USP12: variants seen among roughly 807,000 people sequenced by gnomAD.
The protein encoded by USP12 is ubiquitin specific peptidase 12.
Under a neutral mutation model 45.5 loss-of-function variants are expected in USP12, and 19 were observed. That is an observed-to-expected ratio of 0.42 (90% CI 0.29 to 0.61). The LOEUF (loss-of-function observed/expected upper bound fraction) is 0.61, where lower values mean the gene tolerates loss of function less well. Among genes scored for constraint, USP12 ranks in the 20% least tolerant of loss-of-function variants. The pLI is 0.22. For missense variants in USP12, 242 were observed against 447.7 expected (o/e 0.54, Z 4.15); for synonymous variants, 149 against 148.8 (o/e 1.00, Z -0.01).
At chr13:27,171,274 C>T (rs1350633301) in intron 1 of USP12, among the ~76,000 whole-genome samples, 2 of 150,216 alleles carry the variant, frequency 1.3e-5, no homozygotes, top group South Asian at 4.2e-4. Flanking sequence ...CGAGCGGACC[C>T]CAGCAGTTCA....
At chr13:27,084,309 C>T (rs1373369767) in intron 6 of USP12, among the ~76,000 whole-genome samples, 2 of 150,992 alleles carry the variant, frequency 1.3e-5, no homozygotes, top group African/African-American at 2.4e-5. Flanking sequence ...AGATTGAGAC[C>T]ATCCTGGCCA....
At chr13:27,118,878 A>G (rs7320132) in intron 1 of USP12, among the ~76,000 whole-genome samples, 72,183 of 151,976 alleles carry the variant, frequency 0.47, 18,811 homozygotes, top group East Asian at 0.79. Context: ...ACCACCCCAC[A>G]TGTCCACCTG....
intron 4 of USP12, among the ~76,000 whole-genome samples, chr13:27,094,578 G>A (rs1874477671): frequency 6.6e-6 from 1 of 152,132 alleles, no homozygotes; most frequent in Non-Finnish European, 1.5e-5. Context: ...ATGAGAGGCA[G>A]ATGGATATTG....
chr13:27,129,020 C>T lies in USP12; in HGVS notation c.49-12424G>A, dbSNP rs967509152. Among the ~76,000 whole-genome samples the T allele has an allele frequency of 2.0e-5, 3 of 152,206 alleles. No individual in the cohort carries two copies. Among genetic ancestry groups the T allele is most frequent in the Non-Finnish European group, 4.4e-5 (3 of 68,036 alleles). ...ATACTCCAGATTCCATATGCAGACT[C>T]TGACTCACCCTAATAAAAAGCAAAT... On this transcript the variant is annotated intron_variant, in intron 1 of 8. Coordinates refer to ENST00000282344, the MANE Select transcript of USP12 (RefSeq NM_182488.4). The surrounding 1 kb of genome is among the most constrained non-coding windows in gnomAD (Gnocchi z 4.0).
intron 3 of USP12, among the ~76,000 whole-genome samples, chr13:27,102,001 T>C (rs1401576707): frequency 7.3e-6 from 1 of 136,090 alleles, no homozygotes; most frequent in Admixed American, 7.8e-5. Flanking sequence ...GAGATGTATT[T>C]CCCATTTTTT....
rs768928727 is a variant in USP12, at chr13:27,105,407, C to CA, written c.343+323dup. 1.6e-3 allele frequency among the ~76,000 whole-genome samples: 234 copies of CA among 149,416 alleles called. 1 individual carries two copies. Among genetic ancestry groups the CA allele is most frequent in the African/African-American group, 5.1e-3 (207 of 40,692 alleles). ...TTATGAAAACAAATGCATAAGCATGCAAAAAAAAAGAAACAAAAACCCTTC... is the reference window on the plus strand; with the variant it reads ...TTATGAAAACAAATGCATAAGCATGCAAAAAAAAAAGAAACAAAAACCCTTC... On this transcript the variant is annotated intron_variant, in intron 3 of 8. Coordinates refer to ENST00000282344, the MANE Select transcript of USP12 (RefSeq NM_182488.4).
chr13:27,168,516 G>C (rs1178746120), intron 1 of USP12, among the ~76,000 whole-genome samples: 1 of 152,090 alleles, frequency 6.6e-6, no homozygotes, highest in African/African-American at 2.4e-5. Flanking sequence ...CACTTATTAA[G>C]TATAATATTA....
intron 1 of USP12, among the ~76,000 whole-genome samples, chr13:27,146,913 G>A (rs1877332991): frequency 6.6e-6 from 1 of 152,150 alleles, no homozygotes; most frequent in Admixed American, 6.5e-5. Context: ...ATAAAAAAGG[G>A]AAATTTGGAC....
intron 2 of USP12, among the ~76,000 whole-genome samples, chr13:27,112,455 AT>A (rs61084865): frequency 0.078 from 11,009 of 141,876 alleles, 556 homozygotes; most frequent in African/African-American, 0.15. Flanking sequence ...TGCTCCCAGC[AT>A]TTTTTTTTTT....
At chr13:27,098,125 C>T in intron 3 of USP12, among the ~76,000 whole-genome samples, 1 of 151,852 alleles carries the variant, frequency 6.6e-6, no homozygotes, top group East Asian at 1.9e-4. Flanking sequence ...TTGTTACTAC[C>T]TCAGCCACCC....
In USP12 at chr13:27,075,388, C is replaced by G. The variant is rs781633488; in HGVS notation, c.735G>C (p.Arg245=). The change falls in exon 7 of 9, where the codon CGG becomes CGC. Residue 245 remains arginine, a splice_region_variant and synonymous_variant. Coordinates refer to ENST00000282344, the MANE Select transcript of USP12 (RefSeq NM_182488.4). ...ECRSKQEAHK[R]MKVKKLPMIL... ...TCATGGGCAGTTTTTTAACTTTCAT[C>G]CTATTAAAAATAAAAATGAAAACAA... 6.2e-7 allele frequency: 1 copy of G among 1,602,396 alleles called. No individual in the cohort carries two copies. The highest frequency in any genetic ancestry group is 1.1e-5 in the South Asian group (1 of 88,670).
intron 8 of USP12, 150 bp from the exon 9 acceptor site, chr13:27,069,534 T>C: frequency 1.6e-6 from 1 of 629,200 alleles, no homozygotes; most frequent in Non-Finnish European, 2.8e-6. Flanking sequence ...ACCAAAAAAA[T>C]GTTTATAAAT....
At chr13:27,121,015 A>T (rs1056832244) in intron 1 of USP12, among the ~76,000 whole-genome samples, 1 of 152,190 alleles carries the variant, frequency 6.6e-6, no homozygotes, top group Non-Finnish European at 1.5e-5. Context: ...CTAACAGCTG[A>T]ATGGAACGGT....
rs1463295037 is a variant in USP12 at position 27,067,451 on chromosome 13, C to A, written c.*1832G>T. 2.0e-5 allele frequency: 3 copies of A among 152,158 alleles called. No individual in the cohort carries two copies. The highest frequency in any genetic ancestry group is 7.2e-5 in the African/African-American group (3 of 41,432). 9.4% of individuals were successfully genotyped at this position (152,158 alleles called of 1,614,324 possible). Reference sequence around the variant, plus strand: ...TATATATAATTTGTACAAAACACCTCTAGCCAGGGTAAGGCTTTAGGAACT... The same window carrying A: ...TATATATAATTTGTACAAAACACCTATAGCCAGGGTAAGGCTTTAGGAACT... On this transcript the variant is annotated 3_prime_UTR_variant, in exon 9 of 9. Transcript: ENST00000282344.
At position 27,068,500 on chromosome 13, in the gene USP12, CA is replaced by C. The variant is rs1873093789; in HGVS notation, c.*782del. On this transcript the variant is annotated 3_prime_UTR_variant, in exon 9 of 9. Coordinates refer to ENST00000282344, the MANE Select transcript of USP12 (RefSeq NM_182488.4). ...AATTCACCTTAAAAATAGAAACAAA[CA>C]AAAGGACAACTTAAACTGACATTAA... 1 of 152,210 alleles carries C rather than the reference CA, an allele frequency of 6.6e-6. No homozygotes were observed. Among genetic ancestry groups the C allele is most frequent in the African/African-American group, 2.4e-5 (1 of 41,398 alleles). 9.4% of individuals were successfully genotyped at this position (152,210 alleles called of 1,614,324 possible).
At chr13:27,083,863 T>C (rs1429150787) in intron 6 of USP12, among the ~76,000 whole-genome samples, 1 of 150,022 alleles carries the variant, frequency 6.7e-6, no homozygotes, top group Non-Finnish European at 1.5e-5. Context: ...GGAGAATATA[T>C]ATATATATAT....
chr13:27,166,726 A>C (rs1188487288), intron 1 of USP12, among the ~76,000 whole-genome samples: 1 of 152,228 alleles, frequency 6.6e-6, no homozygotes, highest in East Asian at 1.9e-4. Context: ...GATCATAACA[A>C]GTCTTATCTT....
At chr13:27,149,937 T>C (rs772608311) in intron 1 of USP12, among the ~76,000 whole-genome samples, 29 of 152,242 alleles carry the variant, frequency 1.9e-4, no homozygotes, top group Non-Finnish European at 3.1e-4. Flanking sequence ...GCTCAGGCAG[T>C]AATGCTGCTC....
chr13:27,160,405 G>A (rs1047493201), intron 1 of USP12, among the ~76,000 whole-genome samples: 1 of 150,954 alleles, frequency 6.6e-6, no homozygotes, highest in African/African-American at 2.4e-5. Flanking sequence ...GTCCCCCGTG[G>A]AGGAGATATA....
Sources: gnomAD v4.1 joint callset for allele counts (sites outside exome capture counted in the v4.1 genomes callset) on GRCh38, gnomAD v4.1.1 for gene constraint, Gnocchi (gnomAD v3.1) non-coding constraint, MANE v1.5 for transcripts, NCBI Gene and HGNC (gene_info 2026-07-23, HGNC 2026-07-21) for gene names.